A2ML1: variants seen among roughly 807,000 people sequenced by gnomAD.
A2ML1 encodes alpha-2-macroglobulin-like protein 1.
In A2ML1, 161 loss-of-function variants were observed where a neutral mutation model predicts 181.9. That is an observed-to-expected ratio of 0.89 (90% CI 0.78 to 1.01). The LOEUF (loss-of-function observed/expected upper bound fraction) is 1.01, where lower values mean the gene tolerates loss of function less well. Among genes scored for constraint, A2ML1 ranks in the 50% least tolerant of loss-of-function variants. A2ML1 has a pLI of 0.00. For synonymous variants in A2ML1, 663 were observed against 666.8 expected (o/e 0.99, Z 0.09); for missense variants, 1,670 against 1,768.1 (o/e 0.94, Z 1.00).
intron 23 of A2ML1, 151 bp downstream of exon 23, chr12:8,855,743 T>A: frequency 1.5e-6 from 1 of 682,730 alleles, no homozygotes; most frequent in Non-Finnish European, 2.5e-6. Flanking sequence ...AGGAGGGAAA[T>A]ACAGTGTAGG....
At chr12:8,872,007 G>A (rs764960572) in intron 33 of A2ML1, among the ~76,000 whole-genome samples, 4 of 151,918 alleles carry the variant, frequency 2.6e-5, no homozygotes, top group East Asian at 1.9e-4. Flanking sequence ...GTGAAACCCC[G>A]TCTGTACTAA....
At chr12:8,860,998 G>A in intron 27 of A2ML1, 43 bp downstream of exon 27, 3 of 1,610,944 alleles carry the variant, frequency 1.9e-6, no homozygotes, top group Non-Finnish European at 2.5e-6. Flanking sequence ...TCCTTCTCAT[G>A]CGTATTCCTA....
In A2ML1 at chr12:8,870,145, C is replaced by T. The variant is rs117624929; in HGVS notation, c.4221+942C>T. On this transcript the variant is annotated intron_variant, in intron 33 of 35. Coordinates refer to ENST00000299698, the MANE Select transcript of A2ML1 (RefSeq NM_144670.6). The stretch of plus-strand genomic sequence containing the variant: ...AAGACAAGAATATCCCAAATCAAAA[C>T]ATACTGTTGTTAGTAACATCCATTT... 3.2e-3 allele frequency among the ~76,000 whole-genome samples: 489 copies of T among 152,304 alleles called. 9 individuals carry two copies. The highest frequency in any genetic ancestry group is 0.023 in the Admixed American group (358 of 15,292).
chr12:8,864,069 G>C lies in A2ML1; in HGVS notation c.3717+61G>C, dbSNP rs17802489. The C allele has an allele frequency of 0.12, 177,922 of 1,498,088 alleles. 11,174 individuals carry two copies. Among genetic ancestry groups the C allele is most frequent in the South Asian group, 0.17 (14,737 of 84,626 alleles). 92.8% of individuals were successfully genotyped at this position (1,498,088 alleles called of 1,614,324 possible). A position where few individuals can be genotyped will look rare whatever the true frequency, so the allele number is the denominator to read the frequency against. ...TAGAATTAGATCTTGTGTGGAGATA[G>C]AGGAAAACATATTGTCCTTGCCTTC... is the stretch of plus-strand genomic sequence containing the variant. On this transcript the variant is annotated intron_variant, in intron 29 of 35. Coordinates refer to ENST00000299698, the MANE Select transcript of A2ML1 (RefSeq NM_144670.6).
chr12:8,833,098 C>T (rs896488287), intron 4 of A2ML1, among the ~76,000 whole-genome samples: 13 of 151,788 alleles, frequency 8.6e-5, no homozygotes, highest in Non-Finnish European at 1.5e-4. Flanking sequence ...CTCAGCCTCC[C>T]AAGTAGTTGG....
downstream of A2ML1, among the ~76,000 whole-genome samples, chr12:8,880,221 C>T (rs1267409589): frequency 1.3e-5 from 2 of 152,122 alleles, no homozygotes; most frequent in East Asian, 1.9e-4. Context: ...AAAAAATCAG[C>T]CGAGTGTGGT....
chr12:8,827,481 T>C (rs1327597675), intron 3 of A2ML1, among the ~76,000 whole-genome samples: 21 of 152,240 alleles, frequency 1.4e-4, no homozygotes, highest in Admixed American at 1.4e-3. Flanking sequence ...TAAATTTATC[T>C]GATAAGATTC....
chr12:8,838,402 T>C lies in A2ML1; in HGVS notation c.922T>C (p.Tyr308His), dbSNP rs1332175900. The C allele has an allele frequency of 1.2e-6, 2 of 1,613,988 alleles. No homozygotes were observed. The highest frequency in any genetic ancestry group is 1.7e-6 in the Non-Finnish European group (2 of 1,179,948). ...MATFDLIGYA[Y>H]SHQINIVATV... ...CACCTTTGACCTCATTGGATATGCG[T>C]ACAGCCATCAAATCAATATTGTGGC... is the stretch of plus-strand genomic sequence containing the variant. The change falls in exon 9 of 36, where the codon TAC becomes CAC. Residue 308 changes from tyrosine (Y) to histidine (H), a missense_variant. Physicochemically the swap from Tyr to His is moderately conservative, Grantham distance 83 (BLOSUM62 2). Transcript: ENST00000299698.
Position 8,847,689 on chromosome 12 carries a change from C to T in A2ML1, c.1824C>T (p.Ser608=), listed in dbSNP as rs1943742653. ...TGCTTAGGCCAGACAGAGAGCTGAG[C>T]AACCGCTCTGTGAGTAACTGTCTGC... The part of the protein sequence containing the change: ...VLLLRPDREL[S]NRSVYGMFPF... The change falls in exon 15 of 36, where the codon AGC becomes AGT. Residue 608 remains serine (S), a synonymous_variant. Coordinates refer to ENST00000299698, the MANE Select transcript of A2ML1 (RefSeq NM_144670.6). 2 of 1,611,252 alleles carry T rather than the reference C, an allele frequency of 1.2e-6. No individual in the cohort carries two copies. Among genetic ancestry groups the T allele is most frequent in the African/African-American group, 2.7e-5 (2 of 74,738 alleles).
intron 17 of A2ML1, 99 bp from the exon 18 acceptor site, chr12:8,850,061 T>C: frequency 2.2e-6 from 2 of 917,830 alleles, no homozygotes; most frequent in East Asian, 2.5e-5. Flanking sequence ...TGTTCTCTGC[T>C]TCCCTCTAAA....
chr12:8,854,896 A>ATTTT (rs397850452), intron 22 of A2ML1, 65 bp downstream of exon 22: 432 of 1,293,300 alleles, frequency 3.3e-4, no homozygotes, highest in Middle Eastern at 5.5e-4. Flanking sequence ...TTTTCTTTTC[A>ATTTT]TTTTTTTTTT....
At chr12:8,875,604 T>TA (rs909449386) in intron 35 of A2ML1, 4 of 150,762 alleles carry the variant, frequency 2.7e-5, no homozygotes, top group Non-Finnish European at 5.9e-5. Context: ...CCCAGCTAAT[T>TA]TTTTTTGTAT....
At chr12:8,842,432 G>A (rs892668762) in intron 11 of A2ML1, among the ~76,000 whole-genome samples, 1 of 152,010 alleles carries the variant, frequency 6.6e-6, no homozygotes, top group African/African-American at 2.4e-5. Context: ...TGTTAGCCAG[G>A]ATGGTCTCGA....
At chr12:8,838,579 T>C (rs1269888728) in intron 9 of A2ML1, 129 bp downstream of exon 9, 1 of 619,122 alleles carries the variant, frequency 1.6e-6, no homozygotes, top group African/African-American at 1.9e-5. Flanking sequence ...TCCTAGTTCA[T>C]AGTCAAGGGG....
downstream of A2ML1, among the ~76,000 whole-genome samples, chr12:8,877,662 CTAT>C (rs1200251136): frequency 6.6e-6 from 1 of 152,058 alleles, no homozygotes; most frequent in Non-Finnish European, 1.5e-5. Flanking sequence ...GTTAGAATGG[CTAT>C]TATTAAAGTC....
chr12:8,825,209 C>A (rs1200087188), intron 3 of A2ML1, among the ~76,000 whole-genome samples: 1 of 152,126 alleles, frequency 6.6e-6, no homozygotes, highest in Admixed American at 6.6e-5. Flanking sequence ...TACATTCCCA[C>A]CAACAGTGTA....
intron 9 of A2ML1, among the ~76,000 whole-genome samples, chr12:8,838,659 T>C (rs1943365936): frequency 6.6e-6 from 1 of 151,816 alleles, no homozygotes; most frequent in Non-Finnish European, 1.5e-5. Flanking sequence ...ACGCCTGTAA[T>C]GCCAGCACTT....
At chr12:8,847,432 G>C (rs1943730434) in intron 14 of A2ML1, 117 bp from the exon 15 acceptor site, 2 of 1,247,742 alleles carry the variant, frequency 1.6e-6, no homozygotes, top group South Asian at 2.9e-5. Context: ...AAGTACAAAA[G>C]TGAAAGAATG....
chr12:8,840,859 C>G (rs1022628502), intron 10 of A2ML1, among the ~76,000 whole-genome samples: 12 of 149,482 alleles, frequency 8.0e-5, no homozygotes, highest in Admixed American at 1.3e-4. Flanking sequence ...GTGAGCTGAG[C>G]TCGTCCCACT....
Sources: allele counts gnomAD v4.1 joint callset (sites outside exome capture counted in the v4.1 genomes callset), GRCh38; gene constraint gnomAD v4.1.1; transcripts MANE v1.5; gene names NCBI Gene and HGNC (gene_info 2026-07-23, HGNC 2026-07-21).